Variants in PNKD observed in about 807,000 individuals in gnomAD.
PNKD encodes the protein PNKD metallo-beta-lactamase domain containing.
Under a neutral mutation model 45.3 loss-of-function variants are expected in PNKD, and 36 were observed. The observed-to-expected ratio is 0.80, with a 90% CI of 0.61 to 1.05. The LOEUF (loss-of-function observed/expected upper bound fraction) is 1.05. Ranked by LOEUF, PNKD falls within the 50% of genes least tolerant of loss-of-function variation. The probability of loss-of-function intolerance (pLI) is 0.00; values close to 1 mark genes in which losing one functional copy is unlikely to be tolerated. For missense variants in PNKD, 511 were observed against 506.6 expected (o/e 1.01, Z -0.08); for synonymous variants, 197 against 210.1 (o/e 0.94, Z 0.54).
intron 2 of PNKD, chr2:218,275,320 G>T: frequency 2.0e-6 from 2 of 1,006,382 alleles, no homozygotes; most frequent in Non-Finnish European, 2.8e-6. Context: ...CACATCCATA[G>T]CCAGAGAGGC....
At position 218,314,424 on chromosome 2, in the gene PNKD, T is replaced by C. The variant is rs141011225; in HGVS notation, c.237-25359T>C. Among the ~76,000 whole-genome samples, 209 of 152,112 alleles carry C rather than the reference T, an allele frequency of 1.4e-3. 3 individuals carry two copies. The East Asian group carries it at 0.039, about 28-fold the overall frequency. ...TTTTTGTAGAGATGAGGTCTCCCTC[T>C]GTTGCCCAGGCTGGTCTGGAACTCC... On this transcript the variant is annotated intron_variant, in intron 2 of 9. Transcript: ENST00000273077.
At chr2:218,335,309 C>T (rs1574712861) in intron 2 of PNKD, among the ~76,000 whole-genome samples, 1 of 152,060 alleles carries the variant, frequency 6.6e-6, no homozygotes, top group Non-Finnish European at 1.5e-5. Context: ...TGGAGAAACC[C>T]TATCTCTACT....
At chr2:218,331,451 CTTTTTA>C (rs949353363) in intron 2 of PNKD, among the ~76,000 whole-genome samples, 4 of 151,198 alleles carry the variant, frequency 2.6e-5, no homozygotes, top group African/African-American at 7.3e-5. Context: ...GTTTTGCATG[CTTTTTA>C]TTTTTATTTT....
intron 2 of PNKD, chr2:218,278,604 T>C (rs2292552): frequency 0.39 from 629,250 of 1,612,054 alleles, 124,390 homozygotes; most frequent in Middle Eastern, 0.49. Flanking sequence ...CAGGCCCAAA[T>C]CTGCCCCGCT....
Position 218,280,266 on chromosome 2 carries a change from G to A in PNKD, c.236+8717G>A, listed in dbSNP as rs2106204582. The A allele has an allele frequency of 7.5e-6, 5 of 662,850 alleles. No homozygotes were observed. The South Asian group carries it at 8.9e-5, about 12-fold the overall frequency. 41.1% of individuals were successfully genotyped at this position (662,850 alleles called of 1,614,324 possible). A position where few individuals can be genotyped will look rare whatever the true frequency, so the allele number is the denominator to read the frequency against. On this transcript the variant is annotated intron_variant, in intron 2 of 9. Transcript: ENST00000273077. The stretch of plus-strand genomic sequence containing the variant: ...TAACAGGAACTCTTCTCCCAAGCTG[G>A]GGTCTTCTAGACACCCTCAGAGTGA...
chr2:218,328,995 G>T (rs1464144361), intron 2 of PNKD, among the ~76,000 whole-genome samples: 4 of 152,136 alleles, frequency 2.6e-5, no homozygotes, highest in African/African-American at 7.2e-5. Flanking sequence ...ATTTCTTGAG[G>T]CCGAGAGTTT....
intron 1 of PNKD, chr2:218,271,099 G>T: frequency 1.8e-6 from 1 of 544,898 alleles, no homozygotes. Flanking sequence ...GAGTCCCACT[G>T]CAGTCCTTCC....
chr2:218,309,932 T>TAAA (rs1274963860), intron 2 of PNKD, among the ~76,000 whole-genome samples: 1 of 135,386 alleles, frequency 7.4e-6, no homozygotes. Context: ...AGATTACGTC[T>TAAA]AAAAAAAAAA....
chr2:218,271,427 C>T lies in PNKD; in HGVS notation c.114C>T (p.Thr38=). The T allele has an allele frequency of 6.2e-7, 1 of 1,614,068 alleles. No individual in the cohort carries two copies. ...ATANKASHNR[T]RALQSHSSPE... ...CTAACAAGGCTTCTCATAACAGGACCCGGGCCCTGCAAAGCCACAGCTCCC... is the reference window on the plus strand; with the variant it reads ...CTAACAAGGCTTCTCATAACAGGACTCGGGCCCTGCAAAGCCACAGCTCCC... The change falls in exon 2 of 10, where the codon ACC becomes ACT. Residue 38 remains threonine (T), a synonymous_variant. Coordinates refer to ENST00000273077, the MANE Select transcript of PNKD (RefSeq NM_015488.5).
chr2:218,279,319 G>T (rs889388857), intron 2 of PNKD: 9 of 1,589,080 alleles, frequency 5.7e-6, no homozygotes, highest in African/African-American at 1.3e-5. Flanking sequence ...GATGGCCACA[G>T]TGATGAGCAG....
intron 2 of PNKD, among the ~76,000 whole-genome samples, chr2:218,305,102 A>T (rs772922800): frequency 7.9e-5 from 12 of 152,060 alleles, no homozygotes; most frequent in Non-Finnish European, 1.8e-4. Flanking sequence ...AAGTGGGGCG[A>T]CCATCACCTT....
intron 2 of PNKD, among the ~76,000 whole-genome samples, chr2:218,285,466 C>G (rs1047054706): frequency 6.6e-6 from 1 of 152,082 alleles, no homozygotes; most frequent in Non-Finnish European, 1.5e-5. Context: ...AGCCAAACTA[C>G]TCAGGCCCTC....
chr2:218,317,306 A>G (rs1168217811), intron 2 of PNKD, among the ~76,000 whole-genome samples: 1 of 152,170 alleles, frequency 6.6e-6, no homozygotes, highest in Non-Finnish European at 1.5e-5. Context: ...AGAATTCCGT[A>G]TTTTTACAAG....
chr2:218,323,410 A>G (rs1213557168), intron 2 of PNKD: 2 of 1,570,576 alleles, frequency 1.3e-6, no homozygotes, highest in South Asian at 2.3e-5. Flanking sequence ...GCGCACAGCC[A>G]GCGGCTGCTC....
chr2:218,278,071 G>A (rs1423142145), intron 2 of PNKD: 5 of 1,416,752 alleles, frequency 3.5e-6, no homozygotes, highest in Non-Finnish European at 3.9e-6. Flanking sequence ...TGTGCCTGGA[G>A]GATTAAGCCT....
intron 2 of PNKD, among the ~76,000 whole-genome samples, chr2:218,323,611 T>TG (rs1694059941): frequency 2.5e-5 from 2 of 81,464 alleles, no homozygotes; most frequent in South Asian, 1.0e-3. Flanking sequence ...CTGAGGGATT[T>TG]GGGGGGCTGG....
chr2:218,275,461 T>C (rs900185550), intron 2 of PNKD: 4 of 1,608,912 alleles, frequency 2.5e-6, no homozygotes, highest in African/African-American at 2.7e-5. Flanking sequence ...CGGGTGAAAA[T>C]GGGGGCTTGC....
At chr2:218,281,159 A>T in intron 2 of PNKD, among the ~76,000 whole-genome samples, 1 of 5,444 alleles carries the variant, frequency 1.8e-4, no homozygotes, top group African/African-American at 3.0e-4. Flanking sequence ...TTTGAGACAG[A>T]GTCTTGCTCT....
chr2:218,341,118 CT>C (rs1694661071), intron 5 of PNKD, among the ~76,000 whole-genome samples: 2 of 152,212 alleles, frequency 1.3e-5, no homozygotes, highest in African/African-American at 4.8e-5. Context: ...GGAGGTAGCC[CT>C]GTATCAAAGT....
Sources: allele counts gnomAD v4.1 joint callset (sites outside exome capture counted in the v4.1 genomes callset), GRCh38; gene constraint gnomAD v4.1.1; transcripts MANE v1.5; gene names NCBI Gene and HGNC (gene_info 2026-07-23, HGNC 2026-07-21).